The following NXN variants were observed in gnomAD, a reference collection of about 807,000 sequenced individuals.
NXN encodes nucleoredoxin.
A neutral mutation model predicts 48.6 loss-of-function variants in NXN; 16 were observed. The ratio of observed to expected loss-of-function variants is 0.33; its 90% CI spans 0.22 to 0.50. The LOEUF (loss-of-function observed/expected upper bound fraction) is 0.50, where lower values mean the gene tolerates loss of function less well. NXN is among the 20% of genes least tolerant of loss of function. The pLI is 0.98. For missense variants in NXN, 492 were observed against 605.5 expected (o/e 0.81, Z 1.97); for synonymous variants, 281 against 269.6 (o/e 1.04, Z -0.41).
At chr17:884,088 G>C (rs1360918637) in intron 1 of NXN, among the ~76,000 whole-genome samples, 1 of 152,130 alleles carries the variant, frequency 6.6e-6, no homozygotes, top group East Asian at 1.9e-4. Context: ...GGGCGTGGTG[G>C]TGGGCGCCTG....
chr17:883,943 G>A (rs1251289102), intron 1 of NXN, among the ~76,000 whole-genome samples: 1 of 152,200 alleles, frequency 6.6e-6, no homozygotes, highest in Non-Finnish European at 1.5e-5. Context: ...GCTGGGCCGG[G>A]CGCGGTGGCT....
intron 5 of NXN, among the ~76,000 whole-genome samples, chr17:809,868 T>TGCGAGCGGCAGACACCTTACGAGC (rs1567810344): frequency 2.3e-5 from 3 of 130,500 alleles, no homozygotes; most frequent in East Asian, 2.4e-4. Flanking sequence ...ACCTTACGAG[T>TGCGAGCGGCAGACACCTTACGAGC]CAGTGTGAGT....
intron 1 of NXN, among the ~76,000 whole-genome samples, chr17:886,183 A>T (rs1207410033): frequency 6.6e-6 from 1 of 152,072 alleles, no homozygotes; most frequent in Non-Finnish European, 1.5e-5. Context: ...AGCAGCTCCC[A>T]GGTCCCCAGT....
At chr17:922,668 T>C (rs1255000234) in intron 1 of NXN, among the ~76,000 whole-genome samples, 1 of 151,838 alleles carries the variant, frequency 6.6e-6, no homozygotes. Flanking sequence ...TGTTTTGTTT[T>C]TGAGACGGAG....
At chr17:843,382 C>T (rs1313871331) in intron 1 of NXN, among the ~76,000 whole-genome samples, 1 of 152,228 alleles carries the variant, frequency 6.6e-6, no homozygotes, top group African/African-American at 2.4e-5. Context: ...CGGCATATGG[C>T]TGCCAGGCTC....
chr17:874,325 C>T (rs1321708731), intron 1 of NXN, among the ~76,000 whole-genome samples: 1 of 152,156 alleles, frequency 6.6e-6, no homozygotes, highest in East Asian at 1.9e-4. Context: ...CACGGTGGCT[C>T]ACGCCTGTAA....
At chr17:885,202 G>A (rs1273915837) in intron 1 of NXN, among the ~76,000 whole-genome samples, 1 of 152,186 alleles carries the variant, frequency 6.6e-6, no homozygotes, top group Non-Finnish European at 1.5e-5. Flanking sequence ...AGTGGCTCAC[G>A]CCTGTAATCC....
At chr17:916,255 A>G (rs895705299) in intron 1 of NXN, among the ~76,000 whole-genome samples, 6 of 152,138 alleles carry the variant, frequency 3.9e-5, no homozygotes, top group African/African-American at 9.7e-5. Flanking sequence ...GAAAAGCCAC[A>G]AGGAGTGAGG....
chr17:822,912 C>T (rs530706453), intron 3 of NXN, among the ~76,000 whole-genome samples: 43 of 152,128 alleles, frequency 2.8e-4, no homozygotes, highest in African/African-American at 1.0e-3. Flanking sequence ...CCAGCCTGAC[C>T]AACATGGAGA....
chr17:836,182 T>C (rs1169411648), intron 1 of NXN, among the ~76,000 whole-genome samples: 1 of 152,174 alleles, frequency 6.6e-6, no homozygotes, highest in Non-Finnish European at 1.5e-5. Flanking sequence ...AAATGCAGCC[T>C]GGTGATTTCC....
At chr17:826,142 G>C in intron 1 of NXN, 64 bp from the exon 2 acceptor site, 1 of 1,058,902 alleles carries the variant, frequency 9.4e-7, no homozygotes, top group Non-Finnish European at 1.5e-6. Flanking sequence ...GAGTTCTTTT[G>C]AGCCCCTTAG....
chr17:958,894 T>C lies in NXN; in HGVS notation c.360+20425A>G, dbSNP rs180976810. On this transcript the variant is annotated intron_variant, in intron 1 of 7. Transcript: ENST00000336868. The surrounding 1 kb of genome is among the most constrained non-coding windows in gnomAD (Gnocchi z 6.9). The stretch of plus-strand genomic sequence containing the variant: ...CTGCAGTGAGTCATGATCACACTAC[T>C]GTGCTCCAGCCTGGGTGACAGCCTG... The C allele has an allele frequency of 4.5e-5, 7 of 155,108 alleles. No homozygotes were observed. The highest frequency in any genetic ancestry group is 7.2e-5 in the Non-Finnish European group (5 of 69,852). The allele number at this position is 155,108 out of a possible 1,614,324, so 9.6% of individuals were successfully genotyped here. A position where few individuals can be genotyped will look rare whatever the true frequency, so the allele number is the denominator to read the frequency against.
intron 1 of NXN, among the ~76,000 whole-genome samples, chr17:948,312 T>C (rs1490981257): frequency 1.3e-5 from 2 of 151,264 alleles, no homozygotes; most frequent in African/African-American, 4.9e-5. Context: ...ACCATAAATA[T>C]GTACACCATA....
chr17:939,302 C>G (rs2068942911), intron 1 of NXN, among the ~76,000 whole-genome samples: 2 of 150,832 alleles, frequency 1.3e-5, no homozygotes, highest in African/African-American at 4.9e-5. Context: ...TACACATAGA[C>G]AGATAGATAC....
chr17:892,029 C>A (rs672909), intron 1 of NXN, among the ~76,000 whole-genome samples: 1 of 108,924 alleles, frequency 9.2e-6, no homozygotes, highest in Non-Finnish European at 2.0e-5. Flanking sequence ...ACTAACCCCA[C>A]CATGCACAAC....
At chr17:953,409 C>T (rs1009096022) in intron 1 of NXN, among the ~76,000 whole-genome samples, 7 of 151,844 alleles carry the variant, frequency 4.6e-5, no homozygotes, top group African/African-American at 1.5e-4. Context: ...AGCGAGACTC[C>T]GTCTCAAAAA....
chr17:937,862 T>C (rs2068926729), intron 1 of NXN, among the ~76,000 whole-genome samples: 2 of 152,212 alleles, frequency 1.3e-5, no homozygotes. Flanking sequence ...GACAGCTACC[T>C]CTGGGGGAAT....
chr17:844,182 G>A (rs376773521), intron 1 of NXN, among the ~76,000 whole-genome samples: 2 of 151,342 alleles, frequency 1.3e-5, no homozygotes, highest in East Asian at 1.9e-4. Context: ...GCTGGAAGGT[G>A]GAGACCAGGC....
chr17:859,611 G>C (rs187391557), intron 1 of NXN, among the ~76,000 whole-genome samples: 8 of 152,096 alleles, frequency 5.3e-5, no homozygotes, highest in Admixed American at 5.2e-4. Flanking sequence ...CTGCACGGAC[G>C]GGCCTGCCAG....
Sources: gnomAD v4.1 joint callset for allele counts (sites outside exome capture counted in the v4.1 genomes callset) on GRCh38, gnomAD v4.1.1 for gene constraint, Gnocchi (gnomAD v3.1) non-coding constraint, MANE v1.5 for transcripts, NCBI Gene and HGNC (gene_info 2026-07-23, HGNC 2026-07-21) for gene names.